Variants in CXCL11 observed in about 807,000 individuals in gnomAD.
CXCL11 encodes the protein C-X-C motif chemokine 11.
In CXCL11, 7 loss-of-function variants were observed where a neutral mutation model predicts 9.7. That is an observed-to-expected ratio of 0.72 (90% confidence interval 0.41 to 1.36). CXCL11 has a LOEUF of 1.36. CXCL11 is among the 40% of genes most tolerant of loss of function. CXCL11 has a pLI of 0.01. For missense variants in CXCL11, 107 were observed against 113.4 expected (o/e 0.94, Z 0.26); for synonymous variants, 35 against 34.4 (o/e 1.02, Z -0.06).
Position 76,035,059 on chromosome 4 carries a change from C to T in CXCL11, c.249G>A (p.Arg83=). 2 of 1,613,274 alleles carry T rather than the reference C, an allele frequency of 1.2e-6. No homozygotes were observed. Among genetic ancestry groups the T allele is most frequent in the Non-Finnish European group, 1.7e-6 (2 of 1,179,328 alleles). ...TTTGGTAACTTACTTTGATTATAAG[C>T]CTTGCTTGCTTCGATTTGGGATTTA... The part of the protein sequence containing the change: ...RCLNPKSKQA[R]LIIKKVERKN... Residue 83 remains arginine (R), a synonymous_variant, in exon 3 of 4, where the codon AGG becomes AGA. Coordinates refer to ENST00000306621, the MANE Select transcript of CXCL11 (RefSeq NM_005409.5).
chr4:76,034,436 C>G lies in CXCL11; in HGVS notation c.*357G>C, dbSNP rs1734157311. On this transcript the variant is annotated 3_prime_UTR_variant, in exon 4 of 4. Coordinates refer to ENST00000306621, the MANE Select transcript of CXCL11 (RefSeq NM_005409.5). ...GTAAGCATCAAATCTAGAAGGTTCTCTAGCCTAGAAATGCATGAATGTATA... is the reference window on the plus strand; with the variant it reads ...GTAAGCATCAAATCTAGAAGGTTCTGTAGCCTAGAAATGCATGAATGTATA... The G allele has an allele frequency of 4.1e-6, 2 of 482,650 alleles. No individual in the cohort carries two copies. Among genetic ancestry groups the G allele is most frequent in the African/African-American group, 2.0e-5 (1 of 49,124 alleles). 29.9% of individuals were successfully genotyped at this position (482,650 alleles called of 1,614,324 possible). A position where few individuals can be genotyped will look rare whatever the true frequency, so the allele number is the denominator to read the frequency against.
At position 76,035,311 on chromosome 4, in the gene CXCL11, A is replaced by AAG. The variant is rs751599143; in HGVS notation, c.91_92dup (p.Cys32PhefsTer3). On this transcript the variant is annotated frameshift_variant, in exon 2 of 4. Coordinates refer to ENST00000306621, the MANE Select transcript of CXCL11 (RefSeq NM_005409.5). LOFTEE classifies it high-confidence loss of function. ...CTGCTTTTACCCCAGGGCCTATGCA[A>AAG]AGACAGCGTCCTCTTTTGAACATGG... 6.2e-7 allele frequency: 1 copy of AAG among 1,614,038 alleles called. No homozygotes were observed. Among genetic ancestry groups the AAG allele is most frequent in the Non-Finnish European group, 8.5e-7 (1 of 1,179,918 alleles).
At position 76,035,268 on chromosome 4, in the gene CXCL11, C is replaced by G; in HGVS notation, c.136G>C (p.Glu46Gln). The G allele has an allele frequency of 6.2e-7, 1 of 1,614,084 alleles. No homozygotes were observed. Among genetic ancestry groups the G allele is most frequent in the South Asian group, 1.1e-5 (1 of 91,068 alleles). ...GVKAVKVADI[E>Q]KASIMYPSNN... is the part of the protein sequence containing the mutation. The stretch of plus-strand genomic sequence containing the variant: ...CTTGGGTACATTATGGAGGCTTTCT[C>G]AATATCTGCCACTTTCACTGCTTTT... The change falls in exon 2 of 4, where the codon GAG (glutamate) becomes CAG (glutamine). Residue 46 changes from glutamate to glutamine, a missense_variant. Physicochemically the swap from Glu to Gln is conservative, Grantham distance 29 (BLOSUM62 2). Coordinates refer to ENST00000306621, the MANE Select transcript of CXCL11 (RefSeq NM_005409.5).
Position 76,035,200 on chromosome 4 carries a change from C to T in CXCL11, c.188+16G>A, listed in dbSNP as rs777235812. The T allele has an allele frequency of 2.5e-6, 4 of 1,614,040 alleles. No homozygotes were observed. Among genetic ancestry groups the T allele is most frequent in the African/African-American group, 1.3e-5 (1 of 75,046 alleles). On this transcript the variant is annotated intron_variant, in intron 2 of 3. Coordinates refer to ENST00000306621, the MANE Select transcript of CXCL11 (RefSeq NM_005409.5). ...AAGCCTGCACCATTGTCATCTTCAG[C>T]AAGTTCATTACTTACATCACTTCTA...
chr4:76,035,414 T>A, intron 1 of CXCL11, 72 bp from the exon 2 acceptor site: 1 of 1,499,756 alleles, frequency 6.7e-7, no homozygotes, highest in Admixed American at 2.0e-5. Context: ...TAGCTGGTGG[T>A]GAACGTGAGC....
intron 1 of CXCL11, 101 bp from the exon 2 acceptor site, chr4:76,035,443 A>C (rs1315962397): frequency 3.3e-6 from 4 of 1,207,974 alleles, no homozygotes; most frequent in Middle Eastern, 3.9e-4. Context: ...CATTAAGGGT[A>C]AAGATAGTAA....
chr4:76,035,552 G>T (rs376190750), intron 1 of CXCL11, among the ~76,000 whole-genome samples: 1 of 152,218 alleles, frequency 6.6e-6, no homozygotes, highest in Non-Finnish European at 1.5e-5. Context: ...TAACAAATGG[G>T]AAGCATGAAG....
intron 1 of CXCL11, 55 bp downstream of exon 1, chr4:76,035,872 A>T (rs1734342202): frequency 6.8e-7 from 1 of 1,471,082 alleles, no homozygotes; most frequent in Admixed American, 1.8e-5. Context: ...AAGAAAAGAC[A>T]TTTGAAACAT....
rs565809262 is a variant in CXCL11, at chr4:76,034,422, A to G, written c.*371T>C. ...ACAACAGAATAGTTGTAAGCATCAA[A>G]TCTAGAAGGTTCTCTAGCCTAGAAA... On this transcript the variant is annotated 3_prime_UTR_variant, in exon 4 of 4. Transcript: ENST00000306621. The G allele has an allele frequency of 3.7e-4, 176 of 477,434 alleles. No individual in the cohort carries two copies. The highest frequency in any genetic ancestry group is 4.1e-4 in the Non-Finnish European group (114 of 277,606). The allele number at this position is 477,434 out of a possible 1,614,324, so 29.6% of individuals were successfully genotyped here.
chr4:76,034,898 G>C (rs1734211552), intron 3 of CXCL11, 82 bp from the exon 4 acceptor site: 1 of 1,398,836 alleles, frequency 7.1e-7, no homozygotes, highest in Non-Finnish European at 1.0e-6. Context: ...AGTAAGAAGG[G>C]GAAGCTGTTA....
rs546778685 is a variant in CXCL11, at chr4:76,034,310, A to G, written c.*483T>C. On this transcript the variant is annotated 3_prime_UTR_variant, in exon 4 of 4. Transcript: ENST00000306621. ...GGGCTTGACTCCAGTAATAATGTCA[A>G]TGTCTCCACCGTAACCACAGATAGT... is the stretch of plus-strand genomic sequence containing the variant. The G allele has an allele frequency of 7.9e-4, 316 of 398,284 alleles. 2 individuals carry two copies. Among genetic ancestry groups the G allele is most frequent in the Non-Finnish European group, 1.2e-3 (273 of 226,494 alleles). The allele number at this position is 398,284 out of a possible 1,614,324, so 24.7% of individuals were successfully genotyped here.
At position 76,035,052 on chromosome 4, in the gene CXCL11, T is replaced by G; in HGVS notation, c.256A>C (p.Ile86Leu). 6.2e-7 allele frequency: 1 copy of G among 1,612,648 alleles called. No homozygotes were observed. Among genetic ancestry groups the G allele is most frequent in the South Asian group, 1.1e-5 (1 of 91,056 alleles). ...GGAGTAATTTGGTAACTTACTTTGA[T>G]TATAAGCCTTGCTTGCTTCGATTTG... ...NPKSKQARLI[I>L]KKVERKNF is the part of the protein sequence containing the mutation. Residue 86 changes from isoleucine to leucine, a missense_variant, in exon 3 of 4, where the codon ATC becomes CTC. Physicochemically the swap from Ile to Leu is conservative, Grantham distance 5. Transcript: ENST00000306621.
chr4:76,033,713 A>T lies in CXCL11; in HGVS notation c.*1080T>A, dbSNP rs530831422. On this transcript the variant is annotated 3_prime_UTR_variant, in exon 4 of 4. Transcript: ENST00000306621. ...TAAAAAAGAAAGGTTGTGGTAGTTT[A>T]TTAGAGAAAAAAATGACTTTGATTC... The T allele has an allele frequency of 1.3e-5, 2 of 152,350 alleles. No homozygotes were observed. The highest frequency in any genetic ancestry group is 4.1e-4 in the South Asian group (2 of 4,828). 9.4% of individuals were successfully genotyped at this position (152,350 alleles called of 1,614,324 possible).
chr4:76,034,888 A>T (rs1400193437), intron 3 of CXCL11, 72 bp from the exon 4 acceptor site: 6 of 1,422,404 alleles, frequency 4.2e-6, no homozygotes, highest in Non-Finnish European at 5.9e-6. Context: ...AAAAACATGT[A>T]GTAAGAAGGG....
chr4:76,036,065 C>T lies in CXCL11; in HGVS notation c.-78G>A. 7.4e-7 allele frequency: 1 copy of T among 1,359,234 alleles called. No individual in the cohort carries two copies. The allele number at this position is 1,359,234 out of a possible 1,614,324, so 84.2% of individuals were successfully genotyped here. On this transcript the variant is annotated 5_prime_UTR_variant, in exon 1 of 4. Transcript: ENST00000306621. ...GCTCTTCTTGGAAGGAGTAGAAATG[C>T]TGAACATGAAAGGAAATTGATAATT...
rs1380382061 is a variant in CXCL11 at position 76,035,069 on chromosome 4, T to C, written c.239A>G (p.Lys80Arg). 1.1e-5 allele frequency: 17 copies of C among 1,613,726 alleles called. No individual in the cohort carries two copies. The East Asian group carries it at 3.3e-4, about 32-fold the overall frequency. The change falls in exon 3 of 4, where the codon AAG (lysine) becomes AGG (arginine). Residue 80 changes from lysine (K) to arginine (R), a missense_variant. Physicochemically the swap from Lys to Arg is conservative, Grantham distance 26. Coordinates refer to ENST00000306621, the MANE Select transcript of CXCL11 (RefSeq NM_005409.5). ...TACTTTGATTATAAGCCTTGCTTGCTTCGATTTGGGATTTAGGCATCGTTG... is the reference window on the plus strand; with the variant it reads ...TACTTTGATTATAAGCCTTGCTTGCCTCGATTTGGGATTTAGGCATCGTTG... ...KGQRCLNPKSKQARLIIKKVE... is the reference protein window; with the variant it reads ...KGQRCLNPKSRQARLIIKKVE...
In CXCL11 at chr4:76,034,821, A is replaced by G. The variant is rs773879571; in HGVS notation, c.262-5T>C. The stretch of plus-strand genomic sequence containing the variant: ...AAAATTCTTTCTTTCAACTTTCTGG[A>G]ATAAGAAAACAAGAGTTTTATTTAC... On this transcript the variant is annotated splice_region_variant and splice_polypyrimidine_tract_variant and intron_variant, in intron 3 of 3. Transcript: ENST00000306621. The G allele has an allele frequency of 2.1e-5, 32 of 1,555,142 alleles. 1 individual carries two copies. Among genetic ancestry groups the G allele is most frequent in the Non-Finnish European group, 2.4e-5 (27 of 1,130,778 alleles).
Position 76,036,025 on chromosome 4 carries a change from T to C in CXCL11, c.-38A>G. On this transcript the variant is annotated 5_prime_UTR_variant, in exon 1 of 4. Transcript: ENST00000306621. Reference sequence around the variant, plus strand: ...CTGTTGCTGCTGGTGCTGCTGCTGCTACTTCAGCTTTGCTGCTCTTCTTGG... The same window carrying C: ...CTGTTGCTGCTGGTGCTGCTGCTGCCACTTCAGCTTTGCTGCTCTTCTTGG... 6.3e-7 allele frequency: 1 copy of C among 1,595,032 alleles called. No individual in the cohort carries two copies. The highest frequency in any genetic ancestry group is 8.6e-7 in the Non-Finnish European group (1 of 1,164,574).
rs770845928 is a variant in CXCL11, at chr4:76,035,211, C to T, written c.188+5G>A. 34 of 1,613,990 alleles carry T rather than the reference C, an allele frequency of 2.1e-5. No homozygotes were observed. Among genetic ancestry groups the T allele is most frequent in the Non-Finnish European group, 2.6e-5 (31 of 1,179,964 alleles). On this transcript the variant is annotated splice_donor_5th_base_variant and intron_variant, in intron 2 of 3. Coordinates refer to ENST00000306621, the MANE Select transcript of CXCL11 (RefSeq NM_005409.5). ...ATTGTCATCTTCAGCAAGTTCATTA[C>T]TTACATCACTTCTATTTTGTCACAG...
Sources: gnomAD v4.1 joint callset for allele counts (sites outside exome capture counted in the v4.1 genomes callset) on GRCh38, gnomAD v4.1.1 for gene constraint, MANE v1.5 for transcripts, NCBI Gene and HGNC (gene_info 2026-07-23, HGNC 2026-07-21) for gene names.